The following ANK1 variants were observed in gnomAD, a reference collection of about 807,000 sequenced individuals.
The protein encoded by ANK1 is ankyrin 1, also known as ankyrin-1.
A neutral mutation model predicts 210.4 loss-of-function variants in ANK1; 51 were observed. That is an observed-to-expected ratio of 0.24 (90% confidence interval 0.19 to 0.31). The LOEUF (loss-of-function observed/expected upper bound fraction) is 0.31, where lower values mean the gene tolerates loss of function less well. Ranked by LOEUF, ANK1 falls within the 10% of genes least tolerant of loss-of-function variation. ANK1 has a pLI of 1.00. For synonymous variants in ANK1, 967 were observed against 1,025.9 expected (o/e 0.94, Z 1.10); for missense variants, 2,051 against 2,504.4 (o/e 0.82, Z 3.86).
chr8:41,744,274 C>T (rs1366334192), intron 2 of ANK1, among the ~76,000 whole-genome samples: 2 of 152,054 alleles, frequency 1.3e-5, no homozygotes, highest in African/African-American at 4.8e-5. Context: ...TAGTAGAACG[C>T]CAGCTAAAAA....
At chr8:41,728,122 A>G (rs1831197813) in intron 3 of ANK1, 116 bp from the exon 4 acceptor site, 1 of 818,498 alleles carries the variant, frequency 1.2e-6, no homozygotes, top group Admixed American at 2.0e-5. Context: ...TTCATGGCCA[A>G]AAGGGGTAGA....
At chr8:41,695,025 T>C (rs1820448224) in intron 27 of ANK1, 152 bp downstream of exon 27, 4 of 1,152,052 alleles carry the variant, frequency 3.5e-6, no homozygotes, top group Non-Finnish European at 5.1e-6. Flanking sequence ...CTCTCACACA[T>C]CCTGGGGACC....
At chr8:41,894,793 G>A (rs1250277564) in intron 1 of ANK1, among the ~76,000 whole-genome samples, 1 of 151,908 alleles carries the variant, frequency 6.6e-6, no homozygotes, top group Non-Finnish European at 1.5e-5. Flanking sequence ...GACTTCCCCT[G>A]CCTGACTCAC....
chr8:41,707,633 G>A (rs1039179777), intron 17 of ANK1, among the ~76,000 whole-genome samples: 10 of 152,338 alleles, frequency 6.6e-5, no homozygotes, highest in African/African-American at 2.2e-4. Flanking sequence ...GGCGGCGTGC[G>A]GATGACAGAG....
chr8:41,885,409 G>T (rs934592664), intron 1 of ANK1, among the ~76,000 whole-genome samples: 8 of 152,208 alleles, frequency 5.3e-5, no homozygotes, highest in African/African-American at 1.9e-4. Flanking sequence ...TTTTTGAAAA[G>T]ACAAATGGTT....
chr8:41,822,353 C>T (rs764700412), intron 1 of ANK1, among the ~76,000 whole-genome samples: 4 of 152,172 alleles, frequency 2.6e-5, no homozygotes, highest in Admixed American at 2.0e-4. Flanking sequence ...GAAGACAGCA[C>T]GCTTGTGTGC....
rs755425656 is a variant in ANK1, at chr8:41,708,858, G to A, written c.1918C>T (p.His640Tyr). The A allele has an allele frequency of 6.2e-7, 1 of 1,614,118 alleles. No individual in the cohort carries two copies. Among genetic ancestry groups the A allele is most frequent in the Non-Finnish European group, 8.5e-7 (1 of 1,180,050 alleles). The change falls in exon 17 of 43, where the codon CAC becomes TAC. Residue 640 changes from histidine (H) to tyrosine (Y), a missense_variant. This residue lies in a region of ANK1 where 1,413 missense variants were observed against 1,707.4 expected (regional missense o/e 0.83). Transcript: ENST00000289734. Reference sequence around the variant, plus strand: ...GCGTGGCCCTCCTGGGCGGCCAGGTGAAGGGGCGTCACACCTTGCACCGAC... The same window carrying A: ...GCGTGGCCCTCCTGGGCGGCCAGGTAAAGGGGCGTCACACCTTGCACCGAC... ...AESVQGVTPL[H>Y]LAAQEGHAEM...
At chr8:41,774,895 G>A (rs931996684) in intron 1 of ANK1, among the ~76,000 whole-genome samples, 6 of 152,206 alleles carry the variant, frequency 3.9e-5, no homozygotes, top group South Asian at 2.1e-4. Flanking sequence ...GTGGATGAGC[G>A]GCACTGCCAG....
intron 37 of ANK1, among the ~76,000 whole-genome samples, chr8:41,675,260 C>G (rs578106349): frequency 2.5e-4 from 38 of 152,256 alleles, no homozygotes; most frequent in African/African-American, 9.1e-4. Context: ...TGACGCCTGG[C>G]CAATTTTTGT....
chr8:41,744,825 G>A (rs57513607), intron 2 of ANK1, among the ~76,000 whole-genome samples: 1,772 of 152,276 alleles, frequency 0.012, 38 homozygotes, highest in African/African-American at 0.041. Context: ...GTGAGCCTCC[G>A]CGCCCGATGG....
intron 2 of ANK1, 150 bp from the exon 3 acceptor site, chr8:41,734,219 A>T (rs1363203245): frequency 1.4e-6 from 1 of 738,874 alleles, no homozygotes; most frequent in Non-Finnish European, 2.4e-6. Context: ...GAAGGGGCAC[A>T]GGGCAGGGCC....
chr8:41,656,613 T>G lies in ANK1; in HGVS notation c.*37-860A>C, dbSNP rs564746615. 3.5e-4 allele frequency among the ~76,000 whole-genome samples: 54 copies of G among 152,302 alleles called. 1 individual carries two copies. Among genetic ancestry groups the G allele is most frequent in the African/African-American group, 1.3e-3 (53 of 41,566 alleles). ...TTCAAGACCAGCCACTCATGTTCTA[T>G]CTGCAGGGGCCCTGGGACCACTGGG... On this transcript the variant is annotated intron_variant, in intron 42 of 42. Coordinates refer to ENST00000289734, the MANE Select transcript of ANK1 (RefSeq NM_000037.4).
chr8:41,723,708 TGTCCCCAGCCCCCA>T (rs1008383208), intron 7 of ANK1, 75 bp from the exon 8 acceptor site: 4 of 1,345,132 alleles, frequency 3.0e-6, no homozygotes, highest in Non-Finnish European at 3.1e-6. Context: ...CCGCTCCCCT[TGTCCCCAGCCCCCA>T]GTCCCCAGGC....
chr8:41,660,702 G>A (rs572326245), intron 42 of ANK1, among the ~76,000 whole-genome samples: 134 of 152,254 alleles, frequency 8.8e-4, no homozygotes, highest in African/African-American at 3.1e-3. Flanking sequence ...CAACCCTGAC[G>A]GTCTCCTGAC....
intron 15 of ANK1, 152 bp downstream of exon 15, chr8:41,714,824 C>T: frequency 1.3e-6 from 1 of 782,992 alleles, no homozygotes; most frequent in Non-Finnish European, 2.2e-6. Context: ...GGCACCACTG[C>T]ACTCCAGCCT....
chr8:41,812,883 C>T (rs1435330871), intron 1 of ANK1, among the ~76,000 whole-genome samples: 1 of 152,138 alleles, frequency 6.6e-6, no homozygotes, highest in African/African-American at 2.4e-5. Flanking sequence ...TGACAGGAGG[C>T]GGAGCTCAGG....
intron 20 of ANK1, among the ~76,000 whole-genome samples, chr8:41,702,973 C>T (rs1437918077): frequency 1.3e-4 from 19 of 151,428 alleles, no homozygotes; most frequent in Non-Finnish European, 2.6e-4. Flanking sequence ...GTGCCTGTCA[C>T]CTCACTCAGC....
intron 1 of ANK1, among the ~76,000 whole-genome samples, chr8:41,891,728 C>T (rs915858204): frequency 6.6e-6 from 1 of 152,180 alleles, no homozygotes; most frequent in Non-Finnish European, 1.5e-5. Context: ...CCCCTGCCGG[C>T]GCCTCCCAGA....
upstream of ANK1, among the ~76,000 whole-genome samples, chr8:41,801,245 A>G (rs551364085): frequency 1.3e-5 from 2 of 152,330 alleles, no homozygotes; most frequent in Admixed American, 1.3e-4. Flanking sequence ...TGAGTTGCTA[A>G]GGCCACAAAT....
Sources: gnomAD v4.1 joint callset for allele counts (sites outside exome capture counted in the v4.1 genomes callset) on GRCh38, gnomAD v4.1.1 for gene constraint, gnomAD v4.1.1 regional missense constraint, MANE v1.5 for transcripts, NCBI Gene and HGNC (gene_info 2026-07-23, HGNC 2026-07-21) for gene names.